WDR33: variants seen among roughly 807,000 people sequenced by gnomAD.
WDR33 encodes pre-mRNA 3' end processing protein WDR33.
WDR33 carries 47 observed loss-of-function variants against 164.9 expected under a neutral mutation model. The observed-to-expected ratio is 0.29, with a 90% CI of 0.23 to 0.36. The LOEUF is 0.36. Among genes scored for constraint, WDR33 ranks in the 10% least tolerant of loss-of-function variants. The pLI, the probability that WDR33 is intolerant of heterozygous loss-of-function variation, is 1.00. For missense variants in WDR33, 1,137 were observed against 1,754.1 expected (o/e 0.65, Z 6.28); for synonymous variants, 505 against 589.0 (o/e 0.86, Z 2.06).
intron 17 of WDR33, among the ~76,000 whole-genome samples, chr2:127,715,950 TA>T (rs1686290828): frequency 6.6e-6 from 1 of 151,618 alleles, no homozygotes; most frequent in Non-Finnish European, 1.5e-5. Flanking sequence ...GGGCGGGGGA[TA>T]AAGAGAAAAG....
In WDR33 at chr2:127,768,977, T is replaced by C. The variant is rs1416899687; in HGVS notation, c.229A>G (p.Arg77Gly). 3 of 1,583,114 alleles carry C rather than the reference T, an allele frequency of 1.9e-6. No homozygotes were observed. ...TCAGGCTGAATTGCCCGCATATCTC[T>C]CTGGTCTCTTTGCCATATTCTGTTC... ...LENRIWQRDQ[R>G]DMRAIQPDAG... The change falls in exon 3 of 22, where the codon AGA becomes GGA. Residue 77 changes from arginine (R) to glycine (G), a missense_variant. Around this residue, in one of 9 missense-constraint regions of WDR33, gnomAD observed 55 missense variants for 84.6 expected, o/e 0.65. Transcript: ENST00000322313.
In WDR33 at chr2:127,708,999, T is replaced by C; in HGVS notation, c.3566-107A>G. On this transcript the variant is annotated intron_variant, in intron 20 of 21. Coordinates refer to ENST00000322313, the MANE Select transcript of WDR33 (RefSeq NM_018383.5). This position sits in a 1 kb window ranked among gnomAD's most constrained non-coding sequence, Gnocchi z 6.7. ...CAACTCGAGAGCCACCGTTCACTCA[T>C]GCTGAATGCCCGCCAGAGGCCAAAG... is the stretch of plus-strand genomic sequence containing the variant. The C allele has an allele frequency of 1.6e-6, 2 of 1,238,050 alleles. No homozygotes were observed. The highest frequency in any genetic ancestry group is 2.1e-6 in the Non-Finnish European group (2 of 933,220). 76.7% of individuals were successfully genotyped at this position (1,238,050 alleles called of 1,614,324 possible).
intron 7 of WDR33, among the ~76,000 whole-genome samples, chr2:127,760,715 T>A (rs1178204460): frequency 6.6e-6 from 1 of 152,230 alleles, no homozygotes; most frequent in South Asian, 2.1e-4. Context: ...AATATATTCA[T>A]GTCTCATATA....
chr2:127,810,562 G>A (rs1689615470), intron 1 of WDR33, among the ~76,000 whole-genome samples: 1 of 152,162 alleles, frequency 6.6e-6, no homozygotes, highest in Non-Finnish European at 1.5e-5. Flanking sequence ...CTTATAATAA[G>A]CACCGATTTC....
At chr2:127,806,140 TA>T (rs1206206842) in intron 1 of WDR33, among the ~76,000 whole-genome samples, 1 of 150,480 alleles carries the variant, frequency 6.6e-6, no homozygotes. Context: ...AAATTTTAAA[TA>T]AAAAATATTA....
chr2:127,796,839 A>C (rs1194341029), intron 1 of WDR33, among the ~76,000 whole-genome samples: 1 of 152,064 alleles, frequency 6.6e-6, no homozygotes, highest in African/African-American at 2.4e-5. Flanking sequence ...TGAATTTTGA[A>C]TTAAAAAGCA....
chr2:127,774,901 A>G (rs1389103907), intron 1 of WDR33, among the ~76,000 whole-genome samples: 1 of 152,216 alleles, frequency 6.6e-6, no homozygotes, highest in Non-Finnish European at 1.5e-5. Flanking sequence ...TTGTGTGATT[A>G]TGTTTATATG....
intron 18 of WDR33, among the ~76,000 whole-genome samples, chr2:127,711,171 T>C (rs1481006180): frequency 1.3e-5 from 2 of 152,128 alleles, no homozygotes; most frequent in African/African-American, 4.8e-5. Flanking sequence ...ACACCTGTAA[T>C]CCCAGCACTT....
Position 127,712,994 on chromosome 2 carries a change from C to T in WDR33, c.3308+589G>A. On this transcript the variant is annotated intron_variant, in intron 18 of 21. Transcript: ENST00000322313. The surrounding 1 kb of genome is among the most constrained non-coding windows in gnomAD (Gnocchi z 4.0). ...CTGTTCTTCAATTCCTGGCCTCAAGCGATCCTCCTGCCTCAGCCACCCAAA... is the reference window on the plus strand; with the variant it reads ...CTGTTCTTCAATTCCTGGCCTCAAGTGATCCTCCTGCCTCAGCCACCCAAA... Among the ~76,000 whole-genome samples, 1 of 152,264 alleles carries T rather than the reference C, an allele frequency of 6.6e-6. No homozygotes were observed. Among genetic ancestry groups the T allele is most frequent in the Admixed American group, 6.5e-5 (1 of 15,296 alleles).
intron 1 of WDR33, among the ~76,000 whole-genome samples, chr2:127,778,705 T>A (rs907077098): frequency 1.3e-5 from 2 of 151,916 alleles, no homozygotes; most frequent in Non-Finnish European, 2.9e-5. Context: ...AAATTCTGAG[T>A]AAAGTGAGGG....
In WDR33 at chr2:127,702,566, C is replaced by T. The variant is rs1232505022; in HGVS notation, c.*3757G>A. On this transcript the variant is annotated 3_prime_UTR_variant, in exon 22 of 22. Transcript: ENST00000322313. Reference sequence around the variant, plus strand: ...TCAGGCTGTTTTGTCATTTTAAAATCCAGTGGTAGATGTAGCTTAGCGACG... The same window carrying T: ...TCAGGCTGTTTTGTCATTTTAAAATTCAGTGGTAGATGTAGCTTAGCGACG... The T allele has an allele frequency of 1.2e-5, 2 of 169,508 alleles. No homozygotes were observed. The highest frequency in any genetic ancestry group is 4.8e-5 in the African/African-American group (2 of 41,538). The allele number at this position is 169,508 out of a possible 1,614,324, so 10.5% of individuals were successfully genotyped here.
In WDR33 at chr2:127,726,419, A is replaced by G. The variant is rs1428056474; in HGVS notation, c.851+232T>C. Among the ~76,000 whole-genome samples the G allele has an allele frequency of 1.3e-5, 2 of 152,222 alleles. No individual in the cohort carries two copies. The highest frequency in any genetic ancestry group is 1.5e-5 in the Non-Finnish European group (1 of 68,040). Reference sequence around the variant, plus strand: ...TCCTCATCCTCCTCCCCACCCGTATATAACAACCAAATTAAACTTAGGTCT... The same window carrying G: ...TCCTCATCCTCCTCCCCACCCGTATGTAACAACCAAATTAAACTTAGGTCT... On this transcript the variant is annotated intron_variant, in intron 8 of 21. Transcript: ENST00000322313. This position sits in a 1 kb window ranked among gnomAD's most constrained non-coding sequence, Gnocchi z 4.8.
In WDR33 at chr2:127,714,971, C is replaced by T. The variant is rs1204895574; in HGVS notation, c.2870-950G>A. 2.0e-5 allele frequency among the ~76,000 whole-genome samples: 3 copies of T among 152,092 alleles called. No individual in the cohort carries two copies. The highest frequency in any genetic ancestry group is 4.8e-5 in the African/African-American group (2 of 41,416). On this transcript the variant is annotated intron_variant, in intron 17 of 21. Coordinates refer to ENST00000322313, the MANE Select transcript of WDR33 (RefSeq NM_018383.5). This position sits in a 1 kb window ranked among gnomAD's most constrained non-coding sequence, Gnocchi z 4.3. The stretch of plus-strand genomic sequence containing the variant: ...GTGAAATTCCTCCAATAGCCCAGTT[C>T]ATGCCTTTTACTGCTTTTCCCTGGC...
At chr2:127,734,822 C>T (rs1686798884) in intron 7 of WDR33, among the ~76,000 whole-genome samples, 1 of 152,066 alleles carries the variant, frequency 6.6e-6, no homozygotes, top group African/African-American at 2.4e-5. Flanking sequence ...CTTTTAAAGA[C>T]CTTTCTCCAC....
rs1435912332 is a variant in WDR33 at position 127,718,757 on chromosome 2, TAC to T, written c.2760+506_2760+507del. ...ATTCACTGTAATAAACAGAGTGAGG[TAC>T]AGAGTCTATAGTATACTCATGAGTT... On this transcript the variant is annotated intron_variant, in intron 16 of 21. Transcript: ENST00000322313. This position sits in a 1 kb window ranked among gnomAD's most constrained non-coding sequence, Gnocchi z 4.4. 1.3e-5 allele frequency among the ~76,000 whole-genome samples: 2 copies of T among 152,184 alleles called. No individual in the cohort carries two copies. Among genetic ancestry groups the T allele is most frequent in the Non-Finnish European group, 1.5e-5 (1 of 68,034 alleles).
In WDR33 at chr2:127,764,778, A is replaced by C; in HGVS notation, c.626+50T>G. 1 of 1,614,182 alleles carries C rather than the reference A, an allele frequency of 6.2e-7. No homozygotes were observed. ...GCACCCAGAATACACTTAGAGAATA[A>C]TTTAACCATGACAATAGGGACTACA... On this transcript the variant is annotated intron_variant, in intron 6 of 21. Coordinates refer to ENST00000322313, the MANE Select transcript of WDR33 (RefSeq NM_018383.5). The surrounding 1 kb of genome is among the most constrained non-coding windows in gnomAD (Gnocchi z 6.2).
chr2:127,768,909 T>C, intron 3 of WDR33, 24 bp downstream of exon 3: 1 of 1,568,872 alleles, frequency 6.4e-7, no homozygotes. Context: ...TTTATTAAGC[T>C]AGTATGACAC....
chr2:127,747,358 G>A (rs1355648826), intron 7 of WDR33, among the ~76,000 whole-genome samples: 1 of 150,800 alleles, frequency 6.6e-6, no homozygotes, highest in African/African-American at 2.4e-5. Flanking sequence ...TAGTCTTTAG[G>A]AGAAAAATCT....
At position 127,722,135 on chromosome 2, in the gene WDR33, A is replaced by G. The variant is rs1403381593; in HGVS notation, c.1519-147T>C. Reference sequence around the variant, plus strand: ...TACCTTTTCTCCATGACTCAAGTACATGACTCATGCTAATTCTTACTGACA... The same window carrying G: ...TACCTTTTCTCCATGACTCAAGTACGTGACTCATGCTAATTCTTACTGACA... On this transcript the variant is annotated intron_variant, in intron 14 of 21. Coordinates refer to ENST00000322313, the MANE Select transcript of WDR33 (RefSeq NM_018383.5). The surrounding 1 kb of genome is among the most constrained non-coding windows in gnomAD (Gnocchi z 5.1). 1 of 915,494 alleles carries G rather than the reference A, an allele frequency of 1.1e-6. No homozygotes were observed. The highest frequency in any genetic ancestry group is 1.7e-5 in the African/African-American group (1 of 59,492). The allele number at this position is 915,494 out of a possible 1,614,324, so 56.7% of individuals were successfully genotyped here. A position where few individuals can be genotyped will look rare whatever the true frequency, so the allele number is the denominator to read the frequency against.
Sources: gnomAD v4.1 joint callset for allele counts (sites outside exome capture counted in the v4.1 genomes callset) on GRCh38, gnomAD v4.1.1 for gene constraint, gnomAD v4.1.1 regional missense constraint, Gnocchi (gnomAD v3.1) non-coding constraint, MANE v1.5 for transcripts, NCBI Gene and HGNC (gene_info 2026-07-23, HGNC 2026-07-21) for gene names.